Variants in PRELID2 observed in about 807,000 individuals in gnomAD.
PRELID2 encodes PRELI domain-containing protein 2.
A neutral mutation model predicts 28.4 loss-of-function variants in PRELID2; 25 were observed. The ratio of observed to expected loss-of-function variants is 0.88; its 90% CI spans 0.64 to 1.23. The LOEUF is 1.23. PRELID2 is among the 50% of genes most tolerant of loss of function. The pLI, the probability that PRELID2 is intolerant of heterozygous loss-of-function variation, is 0.00. For synonymous variants in PRELID2, 76 were observed against 71.6 expected (o/e 1.06, Z -0.31); for missense variants, 201 against 214.4 (o/e 0.94, Z 0.39).
chr5:145,465,517 A>G, the PRELID2 span, among the ~76,000 whole-genome samples: 5 of 152,148 alleles, frequency 3.3e-5, no homozygotes, highest in African/African-American at 2.4e-5. Context: ...GCATTAACTC[A>G]GGAATTAAGC....
chr5:145,643,395 G>C (rs1754141263), intron 1 of PRELID2, among the ~76,000 whole-genome samples: 1 of 152,204 alleles, frequency 6.6e-6, no homozygotes, highest in African/African-American at 2.4e-5. Flanking sequence ...TTGCTTATCA[G>C]CTTAAGGAGA....
chr5:145,662,555 G>C (rs546904610), intron 1 of PRELID2, among the ~76,000 whole-genome samples: 1 of 152,162 alleles, frequency 6.6e-6, no homozygotes, highest in Non-Finnish European at 1.5e-5. Flanking sequence ...GCAGTATTGA[G>C]AGGTAGGGCT....
intron 4 of PRELID2, among the ~76,000 whole-genome samples, chr5:145,817,198 A>AAAAAAATATAT (rs1365517052): frequency 7.1e-5 from 5 of 70,074 alleles, no homozygotes; most frequent in East Asian, 3.5e-4. Context: ...TTCAAAAAAA[A>AAAAAAATATAT]ATAAATAAAT....
the PRELID2 span, among the ~76,000 whole-genome samples, chr5:145,306,486 A>G: frequency 6.6e-6 from 1 of 152,120 alleles, no homozygotes; most frequent in Admixed American, 6.5e-5. Flanking sequence ...AAAATATAAA[A>G]CTAATTTTAT....
At chr5:145,381,315 T>C in the PRELID2 span, among the ~76,000 whole-genome samples, 1 of 152,116 alleles carries the variant, frequency 6.6e-6, no homozygotes, top group East Asian at 1.9e-4. Context: ...CAGAGAGGCT[T>C]GAAAATGAGG....
chr5:145,786,360 C>T (rs1169675117), intron 5 of PRELID2, among the ~76,000 whole-genome samples: 1 of 152,164 alleles, frequency 6.6e-6, no homozygotes, highest in Non-Finnish European at 1.5e-5. Context: ...AAGGATGTCA[C>T]TTCAATTAGT....
At chr5:145,456,578 T>A in the PRELID2 span, among the ~76,000 whole-genome samples, 1 of 152,172 alleles carries the variant, frequency 6.6e-6, no homozygotes, top group East Asian at 1.9e-4. Flanking sequence ...GTTTTCACAG[T>A]ACTTATCACA....
At chr5:145,333,279 T>C in the PRELID2 span, among the ~76,000 whole-genome samples, 2 of 152,310 alleles carry the variant, frequency 1.3e-5, no homozygotes, top group East Asian at 1.9e-4. Flanking sequence ...AGTCTGTCCC[T>C]TAGCAGAGCA....
At chr5:145,418,220 T>C in the PRELID2 span, among the ~76,000 whole-genome samples, 9 of 152,052 alleles carry the variant, frequency 5.9e-5, no homozygotes, top group East Asian at 1.9e-4. Flanking sequence ...TATAAAGCAC[T>C]TTTCAAAGAA....
At chr5:145,820,834 G>A (rs1235773766) in intron 2 of PRELID2, among the ~76,000 whole-genome samples, 1 of 152,148 alleles carries the variant, frequency 6.6e-6, no homozygotes, top group Non-Finnish European at 1.5e-5. Context: ...ACAGGAAAAA[G>A]CTATTCCGCT....
At chr5:145,425,763 T>G in the PRELID2 span, among the ~76,000 whole-genome samples, 17 of 152,042 alleles carry the variant, frequency 1.1e-4, no homozygotes, top group Admixed American at 3.3e-4. Context: ...TGTGGGTTGT[T>G]CTGGGGCGGG....
intron 1 of PRELID2, among the ~76,000 whole-genome samples, chr5:145,656,078 C>A (rs185567226): frequency 5.3e-5 from 8 of 152,158 alleles, no homozygotes; most frequent in African/African-American, 1.7e-4. Flanking sequence ...AACCCCATCA[C>A]AAAGTGGGCA....
chr5:145,510,013 T>C (rs1292914694), intron 1 of PRELID2, among the ~76,000 whole-genome samples: 1 of 152,218 alleles, frequency 6.6e-6, no homozygotes, highest in Non-Finnish European at 1.5e-5. Context: ...GCATACAACA[T>C]GCATGACCTT....
chr5:145,645,422 A>G (rs1441955436), intron 1 of PRELID2, among the ~76,000 whole-genome samples: 1 of 130,704 alleles, frequency 7.7e-6, no homozygotes, highest in East Asian at 2.2e-4. Flanking sequence ...TTTTGAGCCT[A>G]CTTGTGTCTT....
the PRELID2 span, among the ~76,000 whole-genome samples, chr5:145,325,894 A>C: frequency 6.6e-6 from 1 of 152,202 alleles, no homozygotes; most frequent in African/African-American, 2.4e-5. Flanking sequence ...TTCTGTTTAA[A>C]ATTAGAATTG....
At chr5:145,772,499 G>A (rs901316276) in intron 5 of PRELID2, among the ~76,000 whole-genome samples, 2 of 152,232 alleles carry the variant, frequency 1.3e-5, no homozygotes, top group African/African-American at 4.8e-5. Flanking sequence ...GATTGAGGGA[G>A]TGCATCTGGT....
the PRELID2 span, among the ~76,000 whole-genome samples, chr5:145,259,358 A>G: frequency 6.6e-6 from 1 of 152,130 alleles, no homozygotes; most frequent in African/African-American, 2.4e-5. Flanking sequence ...GCATTCCTGC[A>G]CCTGGAAAAG....
At chr5:145,765,034 T>C in intron 5 of PRELID2, 34 bp from the exon 6 acceptor site, 1 of 1,413,636 alleles carries the variant, frequency 7.1e-7, no homozygotes, top group Non-Finnish European at 9.9e-7. Context: ...TAAAATGCCC[T>C]ATTTCACAGA....
At chr5:145,545,939 T>C (rs1169910921) in intron 1 of PRELID2, among the ~76,000 whole-genome samples, 2 of 152,118 alleles carry the variant, frequency 1.3e-5, no homozygotes, top group East Asian at 1.9e-4. Flanking sequence ...AAGTGGAAAG[T>C]GGCATAGCAA....
Sources: gnomAD v4.1 joint callset for allele counts (sites outside exome capture counted in the v4.1 genomes callset) on GRCh38, gnomAD v4.1.1 for gene constraint, MANE v1.5 for transcripts, NCBI Gene and HGNC (gene_info 2026-07-23, HGNC 2026-07-21) for gene names.